Variants in NRXN3 observed in about 807,000 individuals in gnomAD.
The protein encoded by NRXN3 is neurexin III.
A neutral mutation model predicts 137.6 loss-of-function variants in NRXN3; 32 were observed. The ratio of observed to expected loss-of-function variants is 0.23; its 90% CI spans 0.18 to 0.31. NRXN3 has a LOEUF of 0.31. Ranked by LOEUF, NRXN3 falls within the 10% of genes least tolerant of loss-of-function variation. The pLI, the probability that NRXN3 is intolerant of heterozygous loss-of-function variation, is 1.00. For synonymous variants in NRXN3, 798 were observed against 784.5 expected (o/e 1.02, Z -0.29); for missense variants, 1,574 against 2,062.5 (o/e 0.76, Z 4.59).
chr14:78,264,822 G>A (rs938520659), intron 2 of NRXN3, among the ~76,000 whole-genome samples: 6 of 152,224 alleles, frequency 3.9e-5, no homozygotes, highest in African/African-American at 1.4e-4. Flanking sequence ...AGCTCAGCCA[G>A]TGTAGTGGGT....
chr14:78,905,305 C>T (rs772123351), intron 10 of NRXN3, among the ~76,000 whole-genome samples: 9 of 152,028 alleles, frequency 5.9e-5, no homozygotes, highest in East Asian at 1.9e-4. Context: ...CTGTTTACTG[C>T]GCCATTCACC....
At chr14:79,586,996 C>T (rs2097769408) in intron 16 of NRXN3, among the ~76,000 whole-genome samples, 1 of 152,170 alleles carries the variant, frequency 6.6e-6, no homozygotes, top group Non-Finnish European at 1.5e-5. Context: ...AGAGCTCCTA[C>T]TCTTGTCAAT....
intron 14 of NRXN3, among the ~76,000 whole-genome samples, chr14:78,974,077 T>C (rs1302599694): frequency 6.6e-6 from 1 of 152,078 alleles, no homozygotes; most frequent in East Asian, 1.9e-4. Context: ...AATAAAAGAA[T>C]ATACACTAGT....
In NRXN3 at chr14:79,122,066, C is replaced by A. The variant is rs559774597; in HGVS notation, c.3262+133925C>A. Among the ~76,000 whole-genome samples the A allele has an allele frequency of 3.3e-5, 5 of 152,234 alleles. 1 individual carries two copies. The South Asian group carries it at 1.0e-3, about 32-fold the overall frequency. ...TTTTACCTTTGTTTGCCAACTTATTCCACTGCGGCTCTTTTTGTCTTGCAA... is the reference window on the plus strand; with the variant it reads ...TTTTACCTTTGTTTGCCAACTTATTACACTGCGGCTCTTTTTGTCTTGCAA... On this transcript the variant is annotated intron_variant, in intron 15 of 20. Coordinates refer to ENST00000335750, the MANE Select transcript of NRXN3 (RefSeq NM_001330195.2).
intron 16 of NRXN3, among the ~76,000 whole-genome samples, chr14:79,555,489 C>T (rs1236511500): frequency 6.6e-6 from 1 of 152,118 alleles, no homozygotes; most frequent in Non-Finnish European, 1.5e-5. Context: ...CTCAAGACCT[C>T]AGAATGTAAG....
At chr14:79,142,418 T>C (rs1258578839) in intron 15 of NRXN3, among the ~76,000 whole-genome samples, 1 of 149,450 alleles carries the variant, frequency 6.7e-6, no homozygotes, top group Non-Finnish European at 1.5e-5. Context: ...ATAGTGAGAC[T>C]CCGTTTCAAA....
chr14:79,172,192 GA>G (rs5809925), intron 15 of NRXN3, among the ~76,000 whole-genome samples: 11 of 147,834 alleles, frequency 7.4e-5, no homozygotes, highest in Admixed American at 2.0e-4. Context: ...ACTTGCTAGG[GA>G]AAAAAAAAAC....
intron 15 of NRXN3, among the ~76,000 whole-genome samples, chr14:79,044,208 T>C (rs1477299804): frequency 6.6e-6 from 1 of 152,216 alleles, no homozygotes; most frequent in Non-Finnish European, 1.5e-5. Context: ...CTGATTCTTT[T>C]TGAGAAAACA....
chr14:79,592,308 C>T (rs994173914), intron 16 of NRXN3, among the ~76,000 whole-genome samples: 9 of 152,114 alleles, frequency 5.9e-5, no homozygotes, highest in Non-Finnish European at 1.0e-4. Context: ...TAAAATTGGA[C>T]ATTGTGGTTT....
At chr14:78,482,959 A>G (rs2095498335) in intron 4 of NRXN3, among the ~76,000 whole-genome samples, 1 of 152,062 alleles carries the variant, frequency 6.6e-6, no homozygotes, top group Non-Finnish European at 1.5e-5. Flanking sequence ...CCTGTCTTTG[A>G]TGTGTTCTAG....
chr14:79,166,245 G>A (rs2061274141), intron 15 of NRXN3, among the ~76,000 whole-genome samples: 2 of 151,892 alleles, frequency 1.3e-5, no homozygotes, highest in South Asian at 2.1e-4. Context: ...TAGAATTCTG[G>A]AGTAGTTAAA....
At chr14:78,753,657 T>C (rs1187408112) in intron 8 of NRXN3, 1 of 152,102 alleles carries the variant, frequency 6.6e-6, no homozygotes, top group Non-Finnish European at 1.5e-5. Context: ...CAAACCTGAT[T>C]AGAAAGGAAT....
chr14:79,769,437 C>G (rs1240037479), intron 19 of NRXN3, among the ~76,000 whole-genome samples: 2 of 152,148 alleles, frequency 1.3e-5, no homozygotes, highest in Non-Finnish European at 2.9e-5. Context: ...AGCAGAAACT[C>G]TACAAGCCAG....
intron 8 of NRXN3, among the ~76,000 whole-genome samples, chr14:78,719,962 G>C (rs986483988): frequency 6.6e-6 from 1 of 152,174 alleles, no homozygotes; most frequent in East Asian, 1.9e-4. Flanking sequence ...GTCAACATCA[G>C]TTTAGCTTGG....
chr14:78,418,291 C>T (rs1370313038), intron 4 of NRXN3, among the ~76,000 whole-genome samples: 1 of 152,148 alleles, frequency 6.6e-6, no homozygotes, highest in African/African-American at 2.4e-5. Context: ...GAAATAAGTA[C>T]AGCTGATTAT....
At chr14:78,684,964 T>C (rs2098112994) in intron 6 of NRXN3, among the ~76,000 whole-genome samples, 2 of 152,228 alleles carry the variant, frequency 1.3e-5, no homozygotes, top group African/African-American at 4.8e-5. Flanking sequence ...TGTTACTTGT[T>C]TGTGCCTAAT....
At chr14:78,428,061 G>A (rs558705963) in intron 4 of NRXN3, among the ~76,000 whole-genome samples, 1 of 152,194 alleles carries the variant, frequency 6.6e-6, no homozygotes, top group South Asian at 2.1e-4. Flanking sequence ...TTTCTGATTT[G>A]TTTAAAAATA....
intron 15 of NRXN3, among the ~76,000 whole-genome samples, chr14:79,183,032 A>C (rs544965798): frequency 1.3e-5 from 2 of 152,332 alleles, no homozygotes; most frequent in Non-Finnish European, 2.9e-5. Flanking sequence ...ATCAGAATAC[A>C]TTATATGAAG....
rs1313767278 is a variant in NRXN3, at chr14:78,943,619, AAAATATATATATATAT to A, written c.2276-13621_2276-13606del. Among the ~76,000 whole-genome samples, 172 of 42,808 alleles carry A rather than the reference AAAATATATATATATAT, an allele frequency of 4.0e-3. 5 individuals are homozygous for A. Among genetic ancestry groups the A allele is most frequent in the Non-Finnish European group, 6.0e-3 (140 of 23,300 alleles). The allele number at this position is 42,808 out of a possible 152,430, so 28.1% of individuals were successfully genotyped here. ...GAAGCAAGATCACTGTTAAAAAAAA[AAAATATATATATATAT>A]ATATATATATATATATATATATATA... On this transcript the variant is annotated intron_variant, in intron 10 of 20. Transcript: ENST00000335750.
Sources: allele counts gnomAD v4.1 joint callset (sites outside exome capture counted in the v4.1 genomes callset), GRCh38; gene constraint gnomAD v4.1.1; transcripts MANE v1.5; gene names NCBI Gene and HGNC (gene_info 2026-07-23, HGNC 2026-07-21).